The following PPFIA3 variants were observed in gnomAD, a reference collection of about 807,000 sequenced individuals.
PPFIA3 encodes the protein liprin-alpha-3.
Under a neutral mutation model 145.8 loss-of-function variants are expected in PPFIA3, and 26 were observed. The ratio of observed to expected loss-of-function variants is 0.18; its 90% CI spans 0.13 to 0.25. The LOEUF is 0.25. Among genes scored for constraint, PPFIA3 ranks in the 10% least tolerant of loss-of-function variants. PPFIA3 has a pLI of 1.00. For synonymous variants in PPFIA3, 645 were observed against 661.4 expected (o/e 0.98, Z 0.38); for missense variants, 1,008 against 1,587.8 (o/e 0.63, Z 6.21).
intron 21 of PPFIA3, among the ~76,000 whole-genome samples, chr19:49,144,401 CTT>C (rs1803723759): frequency 6.6e-6 from 1 of 152,128 alleles, no homozygotes; most frequent in Non-Finnish European, 1.5e-5. Flanking sequence ...GGATTTTCCT[CTT>C]GTGGCTTCGT....
rs780698015 is a variant in PPFIA3 at position 49,142,953 on chromosome 19, C to A, written c.2694C>A (p.Ile898=). Residue 898 remains isoleucine, a synonymous_variant, in exon 21 of 30, where the codon ATC becomes ATA. Transcript: ENST00000334186. ...PLHRLKLRLA[I]QEMVSLTSPS... is the part of the protein sequence containing the mutation. ...ACCGACTCAAGCTACGCCTCGCCAT[C>A]CAGGAGATGGTCTCGCTCACCTCGC... 5 of 1,613,116 alleles carry A rather than the reference C, an allele frequency of 3.1e-6. No individual in the cohort carries two copies. Among genetic ancestry groups the A allele is most frequent in the Non-Finnish European group, 3.4e-6 (4 of 1,179,990 alleles).
At chr19:49,145,806 CT>C in intron 21 of PPFIA3, 136 bp from the exon 22 acceptor site, 1 of 765,136 alleles carries the variant, frequency 1.3e-6, no homozygotes, top group Non-Finnish European at 2.3e-6. Flanking sequence ...AGAATCATTC[CT>C]TTTCTCTGTT....
At chr19:49,131,524 T>C (rs1252944706) in intron 7 of PPFIA3, among the ~76,000 whole-genome samples, 1 of 151,892 alleles carries the variant, frequency 6.6e-6, no homozygotes, top group East Asian at 1.9e-4. Flanking sequence ...CTTTCTGGCT[T>C]AGGCCGCTTT....
Position 49,149,366 on chromosome 19 carries a change from C to T in PPFIA3, c.3354+41C>T. On this transcript the variant is annotated intron_variant, in intron 27 of 29. Coordinates refer to ENST00000334186, the MANE Select transcript of PPFIA3 (RefSeq NM_003660.4). This position sits in a 1 kb window ranked among gnomAD's most constrained non-coding sequence, Gnocchi z 5.7. ...GCTCAGAGGGCTCTGCTCCCAGCGG[C>T]TCCTCGAGAGGCTGAGCTGAGGGGG... The T allele has an allele frequency of 6.2e-7, 1 of 1,610,662 alleles. No individual in the cohort carries two copies. The highest frequency in any genetic ancestry group is 8.5e-7 in the Non-Finnish European group (1 of 1,177,164).
Position 49,149,461 on chromosome 19 carries a change from A to T in PPFIA3, c.3355-86A>T. 6.3e-7 allele frequency: 1 copy of T among 1,586,986 alleles called. No homozygotes were observed. Among genetic ancestry groups the T allele is most frequent in the Admixed American group, 1.7e-5 (1 of 58,550 alleles). The stretch of plus-strand genomic sequence containing the variant: ...GAGGGGCGGGGTTAAAGGAGAGGTG[A>T]GACCCGGAGAGGGGTGGAGTCAAAG... On this transcript the variant is annotated intron_variant, in intron 27 of 29. Coordinates refer to ENST00000334186, the MANE Select transcript of PPFIA3 (RefSeq NM_003660.4). This position sits in a 1 kb window ranked among gnomAD's most constrained non-coding sequence, Gnocchi z 5.7.
In PPFIA3 at chr19:49,149,232, C is replaced by T. The variant is rs776309650; in HGVS notation, c.3286-25C>T. 3.1e-6 allele frequency: 5 copies of T among 1,614,168 alleles called. No homozygotes were observed. Among genetic ancestry groups the T allele is most frequent in the Non-Finnish European group, 4.2e-6 (5 of 1,180,008 alleles). ...CACCTCGCAGACTGCACGCTCCAAC[C>T]GCCCCCTCCACCTCCTCTTTCCAGG... On this transcript the variant is annotated intron_variant, in intron 26 of 29. Coordinates refer to ENST00000334186, the MANE Select transcript of PPFIA3 (RefSeq NM_003660.4). This position sits in a 1 kb window ranked among gnomAD's most constrained non-coding sequence, Gnocchi z 5.7.
At chr19:49,132,259 G>GAT (rs2041082348) in intron 7 of PPFIA3, among the ~76,000 whole-genome samples, 1 of 151,198 alleles carries the variant, frequency 6.6e-6, no homozygotes, top group Non-Finnish European at 1.5e-5. Flanking sequence ...CATGGCAGCG[G>GAT]GTGCCTGTAA....
intron 23 of PPFIA3, chr19:49,146,417 A>G (rs938628646): frequency 6.6e-6 from 4 of 605,636 alleles, no homozygotes; most frequent in Admixed American, 3.0e-5. Context: ...AGCCTTATGC[A>G]TGGACCATTT....
intron 10 of PPFIA3, 32 bp from the exon 11 acceptor site, chr19:49,134,002 C>T: frequency 6.2e-7 from 1 of 1,605,848 alleles, no homozygotes; most frequent in Non-Finnish European, 8.5e-7. Context: ...GCAGGGTGGG[C>T]TTAACAACCC....
chr19:49,122,129 G>A (rs2040943407), intron 1 of PPFIA3, among the ~76,000 whole-genome samples: 1 of 146,108 alleles, frequency 6.8e-6, no homozygotes, highest in South Asian at 2.1e-4. Context: ...TGCTCAGGCT[G>A]GAGTGCAATG....
chr19:49,146,885 G>A (rs2041287018), intron 23 of PPFIA3, among the ~76,000 whole-genome samples: 2 of 152,022 alleles, frequency 1.3e-5, no homozygotes, highest in East Asian at 1.9e-4. Flanking sequence ...AGCCGAGATT[G>A]CACCATTGTA....
intron 21 of PPFIA3, 197 bp from the exon 22 acceptor site, chr19:49,145,745 TG>T (rs2041272387): frequency 3.3e-6 from 2 of 601,468 alleles, no homozygotes; most frequent in Admixed American, 2.9e-5. Flanking sequence ...AACCTGAATT[TG>T]TTCAACTCCA....
In PPFIA3 at chr19:49,128,400, T is replaced by C. The variant is rs769461712; in HGVS notation, c.274T>C (p.Cys92Arg). Residue 92 changes from cysteine (C) to arginine (R), a missense_variant, in exon 3 of 30, where the codon TGT becomes CGT. Cys to Arg is a radical substitution (Grantham distance 180, BLOSUM62 -3). Coordinates refer to ENST00000334186, the MANE Select transcript of PPFIA3 (RefSeq NM_003660.4). The surrounding 1 kb of genome is among the most constrained non-coding windows in gnomAD (Gnocchi z 4.1). ...FAALTKELNLCREQLLEREEE... is the reference protein window; with the variant it reads ...FAALTKELNLRREQLLEREEE... ...AGCTCTGACGAAGGAGCTGAACTTATGTCGGGAGCAGCTGCTGGAGAGGGA... is the reference window on the plus strand; with the variant it reads ...AGCTCTGACGAAGGAGCTGAACTTACGTCGGGAGCAGCTGCTGGAGAGGGA... The C allele has an allele frequency of 1.9e-6, 3 of 1,611,576 alleles. No individual in the cohort carries two copies. Among genetic ancestry groups the C allele is most frequent in the Admixed American group, 1.7e-5 (1 of 59,864 alleles).
Position 49,145,981 on chromosome 19 carries a change from G to A in PPFIA3, c.2784G>A (p.Glu928=), listed in dbSNP as rs768517157. ...GNVWMTHEEM[E]SLTATTKPET... ...TGTGGATGACACACGAGGAGATGGA[G>A]TCCCTTACGGCCACGACCAAGCCCG... Residue 928 remains glutamate, a synonymous_variant, in exon 22 of 30, where the codon GAG becomes GAA. Coordinates refer to ENST00000334186, the MANE Select transcript of PPFIA3 (RefSeq NM_003660.4). 7 of 1,614,002 alleles carry A rather than the reference G, an allele frequency of 4.3e-6. No homozygotes were observed. The highest frequency in any genetic ancestry group is 1.1e-5 in the South Asian group (1 of 91,090).
chr19:49,131,112 C>T (rs1320042217), intron 7 of PPFIA3, among the ~76,000 whole-genome samples: 1 of 149,318 alleles, frequency 6.7e-6, no homozygotes, highest in Non-Finnish European at 1.5e-5. Context: ...GATCCGCCCA[C>T]CTCGGCCTCC....
At chr19:49,141,630 G>A (rs1210963096) in intron 19 of PPFIA3, 117 bp downstream of exon 19, 3 of 761,236 alleles carry the variant, frequency 3.9e-6, no homozygotes, top group African/African-American at 1.8e-5. Context: ...GGGTGTGTGA[G>A]TGTGTGTGTG....
Position 49,133,855 on chromosome 19 carries a change from A to G in PPFIA3, c.1221A>G (p.Glu407=). Residue 407 remains glutamate (E), a synonymous_variant, in exon 10 of 30, where the codon GAA becomes GAG. Transcript: ENST00000334186. This position sits in a 1 kb window ranked among gnomAD's most constrained non-coding sequence, Gnocchi z 7.2. ...ERLRQLEAQL[E]EKNQELQRAR... ...TTCGGCAGCTGGAGGCCCAGCTGGA[A>G]GAGAAGAATCAAGAGCTGCAGCGGG... 1 of 1,613,146 alleles carries G rather than the reference A, an allele frequency of 6.2e-7. No individual in the cohort carries two copies. The highest frequency in any genetic ancestry group is 1.1e-5 in the South Asian group (1 of 91,022).
intron 1 of PPFIA3, among the ~76,000 whole-genome samples, chr19:49,125,834 T>G: frequency 6.6e-6 from 1 of 151,998 alleles, no homozygotes; most frequent in East Asian, 1.9e-4. Flanking sequence ...CTTAGACTCC[T>G]GTGACCTGAG....
Position 49,143,867 on chromosome 19 carries a change from A to G in PPFIA3, c.2745+863A>G, listed in dbSNP as rs1011160941. ...AAGTGTTTAGAATTTCTGATTTTAA[A>G]AAGTTTTTTTTGAATATTTGCATAT... On this transcript the variant is annotated intron_variant, in intron 21 of 29. Transcript: ENST00000334186. 3.9e-5 allele frequency among the ~76,000 whole-genome samples: 6 copies of G among 152,220 alleles called. No individual in the cohort carries two copies. In the East Asian group the frequency reaches 7.7e-4, roughly 20 times the overall value.
Sources: allele counts gnomAD v4.1 joint callset (sites outside exome capture counted in the v4.1 genomes callset), GRCh38; gene constraint gnomAD v4.1.1; non-coding constraint Gnocchi (gnomAD v3.1); transcripts MANE v1.5; gene names NCBI Gene and HGNC (gene_info 2026-07-23, HGNC 2026-07-21).